BRI3BP: variants seen among roughly 807,000 people sequenced by gnomAD.
BRI3BP encodes BRI3 binding protein, also known as BRI3-binding protein.
In BRI3BP, 7 loss-of-function variants were observed where a neutral mutation model predicts 15.8. That is an observed-to-expected ratio of 0.44 (90% CI 0.25 to 0.83). The LOEUF is 0.83. Among genes scored for constraint, BRI3BP ranks in the 40% least tolerant of loss-of-function variants. BRI3BP has a pLI of 0.20. For synonymous variants in BRI3BP, 192 were observed against 163.5 expected (o/e 1.17, Z -1.33); for missense variants, 320 against 339.3 (o/e 0.94, Z 0.45).
intron 1 of BRI3BP, 54 bp downstream of exon 1, chr12:124,994,057 G>C: frequency 8.7e-7 from 1 of 1,151,112 alleles, no homozygotes; most frequent in Non-Finnish European, 1.1e-6. Flanking sequence ...CACGCACCTG[G>C]CTACCGGGGC....
At chr12:124,996,697 C>T (rs1438561667) in intron 1 of BRI3BP, among the ~76,000 whole-genome samples, 2 of 150,540 alleles carry the variant, frequency 1.3e-5, no homozygotes, top group Non-Finnish European at 2.9e-5. Context: ...CCTGGGTTTA[C>T]GAATTAGAGC....
intron 1 of BRI3BP, among the ~76,000 whole-genome samples, chr12:125,011,877 A>G (rs963835479): frequency 6.6e-6 from 1 of 152,148 alleles, no homozygotes; most frequent in Non-Finnish European, 1.5e-5. Context: ...TGGAGCAGAA[A>G]CTTCCACTCT....
chr12:125,046,830 A>G, the BRI3BP span, among the ~76,000 whole-genome samples: 1 of 152,190 alleles, frequency 6.6e-6, no homozygotes, highest in Non-Finnish European at 1.5e-5. Flanking sequence ...ACTTATCTCT[A>G]AAAATGATTA....
chr12:125,018,962 G>T, intron 2 of BRI3BP, among the ~76,000 whole-genome samples: 1 of 152,156 alleles, frequency 6.6e-6, no homozygotes, highest in Middle Eastern at 3.4e-3. Context: ...GGGTTCAAGC[G>T]ATTCTCCTGC....
intron 1 of BRI3BP, among the ~76,000 whole-genome samples, chr12:124,996,166 G>A (rs1452470553): frequency 3.3e-5 from 5 of 151,662 alleles, no homozygotes; most frequent in South Asian, 2.1e-4. Flanking sequence ...CTCCCGCCTC[G>A]GCCTTCCAAA....
rs1955015532 is a variant in BRI3BP, at chr12:124,993,786, C to T, written c.-5C>T. 1.9e-6 allele frequency: 2 copies of T among 1,029,250 alleles called. No individual in the cohort carries two copies. Among genetic ancestry groups the T allele is most frequent in the Non-Finnish European group, 2.3e-6 (2 of 862,084 alleles). The allele number at this position is 1,029,250 out of a possible 1,614,324, so 63.8% of individuals were successfully genotyped here. A position where few individuals can be genotyped will look rare whatever the true frequency, so the allele number is the denominator to read the frequency against. On this transcript the variant is annotated 5_prime_UTR_variant, in exon 1 of 3. Transcript: ENST00000341446. ...CATCGCGACCCCGCGCCCCGCCGGC[C>T]GAGCATGGGCGCGCGCGCCTCAGGC...
chr12:125,030,392 T>C lies in BRI3BP; in HGVS notation c.*4962T>C, dbSNP rs1033177853. 3.3e-5 allele frequency: 5 copies of C among 152,222 alleles called. No homozygotes were observed. Among genetic ancestry groups the C allele is most frequent in the Non-Finnish European group, 7.3e-5 (5 of 68,038 alleles). The allele number at this position is 152,222 out of a possible 1,614,324, so 9.4% of individuals were successfully genotyped here. ...ACTTTGACTCCTCACTTGTGAATAA[T>C]AGGAATATATTTTGCAGAATCTAAC... On this transcript the variant is annotated 3_prime_UTR_variant, in exon 3 of 3. Transcript: ENST00000341446.
chr12:124,993,725 G>T lies in BRI3BP; in HGVS notation c.-66G>T. On this transcript the variant is annotated 5_prime_UTR_variant, in exon 1 of 3. Coordinates refer to ENST00000341446, the MANE Select transcript of BRI3BP (RefSeq NM_080626.6). ...GAGCGCGCCAACCTTGCCCTAGCCG[G>T]AGCCCGCTGCGGCCCAGCGCACGGC... is the stretch of plus-strand genomic sequence containing the variant. The T allele has an allele frequency of 8.7e-6, 8 of 916,314 alleles. No individual in the cohort carries two copies. The highest frequency in any genetic ancestry group is 1.0e-5 in the Non-Finnish European group (8 of 768,076). The allele number at this position is 916,314 out of a possible 1,614,324, so 56.8% of individuals were successfully genotyped here. A position where few individuals can be genotyped will look rare whatever the true frequency, so the allele number is the denominator to read the frequency against.
chr12:125,025,401 G>T lies in BRI3BP; in HGVS notation c.727G>T (p.Glu243Ter). The T allele has an allele frequency of 6.2e-7, 1 of 1,607,418 alleles. No homozygotes were observed. Among genetic ancestry groups the T allele is most frequent in the South Asian group, 1.1e-5 (1 of 90,414 alleles). The change falls in exon 3 of 3, where the codon GAG becomes TAG. Residue 243 changes from glutamate to a stop codon, truncating the protein, a stop_gained. Transcript: ENST00000341446. LOFTEE classifies it high-confidence loss of function. ...LLNIRLNRVLESLDRSKDK is the reference protein window; with the variant it reads ...LLNIRLNRVL ...CAACATCCGTCTCAACCGGGTGCTC[G>T]AGAGCCTGGACCGCTCCAAGGACAA...
At chr12:125,036,925 A>G in the BRI3BP span, among the ~76,000 whole-genome samples, 1 of 152,240 alleles carries the variant, frequency 6.6e-6, no homozygotes, top group East Asian at 1.9e-4. Flanking sequence ...TGAGTATGCT[A>G]GTACCTTGCT....
At chr12:125,014,485 G>A (rs370341317) in intron 2 of BRI3BP, among the ~76,000 whole-genome samples, 5 of 152,188 alleles carry the variant, frequency 3.3e-5, no homozygotes, top group Non-Finnish European at 7.3e-5. Flanking sequence ...GAAAAGGTGC[G>A]CGAATTCCCG....
chr12:125,029,550 G>A lies in BRI3BP; in HGVS notation c.*4120G>A, dbSNP rs1340649522. On this transcript the variant is annotated 3_prime_UTR_variant, in exon 3 of 3. Transcript: ENST00000341446. ...CAGTCTCAAAAAAAAAAAAAAGTGT[G>A]TGTGTGTGTATATATATGTATATAT... 1.4e-5 allele frequency: 2 copies of A among 144,742 alleles called. No homozygotes were observed. Among genetic ancestry groups the A allele is most frequent in the East Asian group, 4.0e-4 (2 of 5,028 alleles). 9.0% of individuals were successfully genotyped at this position (144,742 alleles called of 1,614,324 possible). A position where few individuals can be genotyped will look rare whatever the true frequency, so the allele number is the denominator to read the frequency against.
At chr12:125,010,183 G>A (rs1040055452) in intron 1 of BRI3BP, among the ~76,000 whole-genome samples, 46 of 152,206 alleles carry the variant, frequency 3.0e-4, no homozygotes, top group South Asian at 2.1e-3. Flanking sequence ...AGCATTTCAC[G>A]TGAATATCCC....
chr12:125,002,187 T>A (rs976203268), intron 1 of BRI3BP, among the ~76,000 whole-genome samples: 1 of 152,222 alleles, frequency 6.6e-6, no homozygotes, highest in Non-Finnish European at 1.5e-5. Flanking sequence ...TGCAAATATT[T>A]GTGTGGGCAT....
intron 2 of BRI3BP, among the ~76,000 whole-genome samples, chr12:125,017,652 T>G (rs562057229): frequency 6.6e-6 from 1 of 152,268 alleles, no homozygotes; most frequent in South Asian, 2.1e-4. Flanking sequence ...GGCACAGCCT[T>G]TGTCCCCATT....
chr12:124,999,676 G>A, intron 1 of BRI3BP, among the ~76,000 whole-genome samples: 1 of 149,378 alleles, frequency 6.7e-6, no homozygotes. Flanking sequence ...GGAGTGCAGT[G>A]GCGCAATTTC....
intron 2 of BRI3BP, among the ~76,000 whole-genome samples, chr12:125,016,332 A>G (rs1008749050): frequency 6.7e-6 from 1 of 148,168 alleles, no homozygotes; most frequent in Non-Finnish European, 1.5e-5. Flanking sequence ...TGTGAGCACA[A>G]TTCTATAATT....
intron 2 of BRI3BP, among the ~76,000 whole-genome samples, chr12:125,024,681 C>T (rs1380281800): frequency 6.6e-6 from 1 of 152,062 alleles, no homozygotes. Flanking sequence ...TGCCTGTAAT[C>T]CCAGCTACCC....
Position 124,993,865 on chromosome 12 carries a change from C to G in BRI3BP, c.75C>G (p.Leu25=). 1 of 1,144,184 alleles carries G rather than the reference C, an allele frequency of 8.7e-7. No homozygotes were observed. Among genetic ancestry groups the G allele is most frequent in the Admixed American group, 4.7e-5 (1 of 21,456 alleles). 70.9% of individuals were successfully genotyped at this position (1,144,184 alleles called of 1,614,324 possible). A position where few individuals can be genotyped will look rare whatever the true frequency, so the allele number is the denominator to read the frequency against. ...LLLLLLLLLL[L]GLLAPGAQGA... ...TGCTGCTGCTGCTGCTGCTGCTGCTCGGGCTGCTGGCCCCGGGCGCGCAGG... is the reference window on the plus strand; with the variant it reads ...TGCTGCTGCTGCTGCTGCTGCTGCTGGGGCTGCTGGCCCCGGGCGCGCAGG... The change falls in exon 1 of 3, where the codon CTC becomes CTG. Residue 25 remains leucine (L), a synonymous_variant. Transcript: ENST00000341446.
Sources: gnomAD v4.1 joint callset for allele counts (sites outside exome capture counted in the v4.1 genomes callset) on GRCh38, gnomAD v4.1.1 for gene constraint, MANE v1.5 for transcripts, NCBI Gene and HGNC (gene_info 2026-07-23, HGNC 2026-07-21) for gene names.